Variants in SLC22A7 observed in about 807,000 individuals in gnomAD.
SLC22A7 encodes solute carrier family 22 member 7, also known as hOAT2.
Under a neutral mutation model 62.2 loss-of-function variants are expected in SLC22A7, and 48 were observed. The ratio of observed to expected loss-of-function variants is 0.77; its 90% confidence interval spans 0.61 to 0.98. The LOEUF is 0.98. Ranked by LOEUF, SLC22A7 falls within the 50% of genes least tolerant of loss-of-function variation. SLC22A7 has a pLI of 0.00. For missense variants in SLC22A7, 581 were observed against 703.8 expected, an observed-to-expected ratio of 0.83 and a Z score of 1.97; for synonymous variants, 276 against 314.8, an observed-to-expected ratio of 0.88 and a Z score of 1.30.
chr6:43,302,321 T>C lies in SLC22A7; in HGVS notation c.1183T>C (p.Leu395=). The change falls in exon 8 of 11, where the codon TTG becomes CTG. Residue 395 remains leucine, a synonymous_variant. Coordinates refer to ENST00000372585, the MANE Select transcript of SLC22A7 (RefSeq NM_153320.2). This position sits in a 1 kb window ranked among gnomAD's most constrained non-coding sequence, Gnocchi z 5.0. The part of the protein sequence containing the change: ...VELPSKLLVY[L]SVRYAGRRLT... ...ACTGCCCTCCAAGCTGCTGGTCTAC[T>C]TGTCGGTGCGCTACGCAGGACGCCG... The C allele has an allele frequency of 9.9e-6, 16 of 1,613,806 alleles. No individual in the cohort carries two copies. Among genetic ancestry groups the C allele is most frequent in the Non-Finnish European group, 1.4e-5 (16 of 1,179,992 alleles).
At chr6:43,297,095 T>C (rs1268795102), upstream of SLC22A7, among the ~76,000 whole-genome samples, 1 of 152,134 alleles carries the variant, frequency 6.6e-6, no homozygotes, top group Non-Finnish European at 1.5e-5. Flanking sequence ...GCCTCTTGCT[T>C]CACTCCATGG....
rs1778637781 is a variant in SLC22A7, at chr6:43,299,021, G to C, written c.394-71G>C. On this transcript the variant is annotated intron_variant, in intron 1 of 10. Transcript: ENST00000372585. This position sits in a 1 kb window ranked among gnomAD's most constrained non-coding sequence, Gnocchi z 4.4. ...CTTCAGGGAGTTGAGACAAAGAGCTGAGAAGGCAATTTCTGCAGCAAGAGG... is the reference window on the plus strand; with the variant it reads ...CTTCAGGGAGTTGAGACAAAGAGCTCAGAAGGCAATTTCTGCAGCAAGAGG... 5 of 1,460,410 alleles carry C rather than the reference G, an allele frequency of 3.4e-6. No homozygotes were observed. The highest frequency in any genetic ancestry group is 4.6e-6 in the Non-Finnish European group (5 of 1,075,548). The allele number at this position is 1,460,410 out of a possible 1,614,324, so 90.5% of individuals were successfully genotyped here.
intron 7 of SLC22A7, 103 bp downstream of exon 7, chr6:43,301,795 T>C: frequency 5.0e-6 from 4 of 796,322 alleles, no homozygotes; most frequent in Non-Finnish European, 8.0e-6. Flanking sequence ...AAGTAGAGTG[T>C]CACTGTGGAG....
At chr6:43,298,226 G>A (rs749522321), upstream of SLC22A7, 1 of 794,092 alleles carries the variant, frequency 1.3e-6, no homozygotes, top group African/African-American at 1.7e-5. Context: ...GCCCCTGAGG[G>A]CTGGATTCTG....
Position 43,298,476 on chromosome 6 carries a change from T to A in SLC22A7, c.118T>A (p.Phe40Ile). 1 of 1,613,784 alleles carries A rather than the reference T, an allele frequency of 6.2e-7. No homozygotes were observed. Among genetic ancestry groups the A allele is most frequent in the Non-Finnish European group, 8.5e-7 (1 of 1,180,028 alleles). Reference protein sequence around the residue: ...LLPLHFLLPIFLAAVPAHRCA... With the variant: ...LLPLHFLLPIILAAVPAHRCA... ...ACCACTGCACTTCCTCCTGCCCATCTTCCTGGCTGCCGTGCCTGCCCACCG... is the reference window on the plus strand; with the variant it reads ...ACCACTGCACTTCCTCCTGCCCATCATCCTGGCTGCCGTGCCTGCCCACCG... The change falls in exon 1 of 11, where the codon TTC becomes ATC. Residue 40 changes from phenylalanine to isoleucine, a missense_variant. Coordinates refer to ENST00000372585, the MANE Select transcript of SLC22A7 (RefSeq NM_153320.2).
Position 43,302,863 on chromosome 6 carries a change from A to ATT in SLC22A7, c.1385+109_1385+110dup, listed in dbSNP as rs376669860. 5 of 736,734 alleles carry ATT rather than the reference A, an allele frequency of 6.8e-6. No individual in the cohort carries two copies. The highest frequency in any genetic ancestry group is 6.4e-6 in the Non-Finnish European group (3 of 465,338). 45.6% of individuals were successfully genotyped at this position (736,734 alleles called of 1,614,324 possible). On this transcript the variant is annotated intron_variant, in intron 9 of 10. Coordinates refer to ENST00000372585, the MANE Select transcript of SLC22A7 (RefSeq NM_153320.2). This position sits in a 1 kb window ranked among gnomAD's most constrained non-coding sequence, Gnocchi z 5.0. ...CGCACCACAACCTGGTCTCTCACTC[A>ATT]TTTTTTTTTTAATTTTAATTTTTGG...
At position 43,304,111 on chromosome 6, in the gene SLC22A7, G is replaced by A; in HGVS notation, c.1459G>A (p.Asp487Asn). The A allele has an allele frequency of 2.5e-6, 4 of 1,606,382 alleles. No individual in the cohort carries two copies. Among genetic ancestry groups the A allele is most frequent in the Non-Finnish European group, 3.4e-6 (4 of 1,175,482 alleles). Residue 487 changes from aspartate to asparagine, a missense_variant, in exon 10 of 11, where the codon GAT becomes AAT. Asp to Asn is a conservative substitution (Grantham distance 23, BLOSUM62 1). Transcript: ENST00000372585. ...GSLAPLAALL[D>N]GVWLSLPKLT... ...TTTGGCCCCACTGGCGGCCTTGCTG[G>A]ATGGAGTGTGGCTGTCACTGCCCAA...
rs1778892141 is a variant in SLC22A7, at chr6:43,305,019, T to C, written c.*294T>C. 2 of 292,598 alleles carry C rather than the reference T, an allele frequency of 6.8e-6. No homozygotes were observed. The highest frequency in any genetic ancestry group is 4.9e-5 in the Admixed American group (1 of 20,262). The allele number at this position is 292,598 out of a possible 1,614,324, so 18.1% of individuals were successfully genotyped here. A position where few individuals can be genotyped will look rare whatever the true frequency, so the allele number is the denominator to read the frequency against. On this transcript the variant is annotated 3_prime_UTR_variant, in exon 11 of 11. Coordinates refer to ENST00000372585, the MANE Select transcript of SLC22A7 (RefSeq NM_153320.2). ...GACGAGCTGTGGGAAGAGCCCTGGATAGGAAGCCACTGAGTCTGCCCTGGG... is the reference window on the plus strand; with the variant it reads ...GACGAGCTGTGGGAAGAGCCCTGGACAGGAAGCCACTGAGTCTGCCCTGGG...
In SLC22A7 at chr6:43,302,987, A is replaced by G. The variant is rs575763267; in HGVS notation, c.1385+224A>G. The stretch of plus-strand genomic sequence containing the variant: ...CTCCAAAAGTGCTCGTATTACAGGC[A>G]CTATTACAGGCATGAGCCACCGCAC... On this transcript the variant is annotated intron_variant, in intron 9 of 10. Coordinates refer to ENST00000372585, the MANE Select transcript of SLC22A7 (RefSeq NM_153320.2). This position sits in a 1 kb window ranked among gnomAD's most constrained non-coding sequence, Gnocchi z 5.0. The G allele has an allele frequency of 3.8e-5, 16 of 416,412 alleles. No homozygotes were observed. Among genetic ancestry groups the G allele is most frequent in the African/African-American group, 3.5e-4 (16 of 46,134 alleles). The allele number at this position is 416,412 out of a possible 1,614,324, so 25.8% of individuals were successfully genotyped here. A position where few individuals can be genotyped will look rare whatever the true frequency, so the allele number is the denominator to read the frequency against.
At position 43,302,863 on chromosome 6, in the gene SLC22A7, A is replaced by C; in HGVS notation, c.1385+100A>C. 1 of 736,828 alleles carries C rather than the reference A, an allele frequency of 1.4e-6. No individual in the cohort carries two copies. The allele number at this position is 736,828 out of a possible 1,614,324, so 45.6% of individuals were successfully genotyped here. A position where few individuals can be genotyped will look rare whatever the true frequency, so the allele number is the denominator to read the frequency against. ...CGCACCACAACCTGGTCTCTCACTC[A>C]TTTTTTTTTTAATTTTAATTTTTGG... On this transcript the variant is annotated intron_variant, in intron 9 of 10. Coordinates refer to ENST00000372585, the MANE Select transcript of SLC22A7 (RefSeq NM_153320.2). The surrounding 1 kb of genome is among the most constrained non-coding windows in gnomAD (Gnocchi z 5.0).
Position 43,299,618 on chromosome 6 carries a change from C to A in SLC22A7, c.504-9C>A, listed in dbSNP as rs1477180781. ...CACAGGGAACTGACCCTGCATGACC[C>A]CTTTGCAGGTTTGGGCGGCGGCGTC... is the stretch of plus-strand genomic sequence containing the variant. On this transcript the variant is annotated splice_polypyrimidine_tract_variant and intron_variant, in intron 3 of 10. Transcript: ENST00000372585. The surrounding 1 kb of genome is among the most constrained non-coding windows in gnomAD (Gnocchi z 4.4). 1 of 1,614,120 alleles carries A rather than the reference C, an allele frequency of 6.2e-7. No homozygotes were observed. The highest frequency in any genetic ancestry group is 1.1e-5 in the South Asian group (1 of 91,082).
In SLC22A7 at chr6:43,299,188, G is replaced by A. The variant is rs1276362594; in HGVS notation, c.399+91G>A. On this transcript the variant is annotated intron_variant, in intron 2 of 10. Coordinates refer to ENST00000372585, the MANE Select transcript of SLC22A7 (RefSeq NM_153320.2). The surrounding 1 kb of genome is among the most constrained non-coding windows in gnomAD (Gnocchi z 4.4). Reference sequence around the variant, plus strand: ...AGGTCGAGGCCTTCCTTGGGAAGAAGCTGAGGCTGCAGGACTGGGGAGGGA... The same window carrying A: ...AGGTCGAGGCCTTCCTTGGGAAGAAACTGAGGCTGCAGGACTGGGGAGGGA... 3 of 1,614,158 alleles carry A rather than the reference G, an allele frequency of 1.9e-6. No individual in the cohort carries two copies. The South Asian group carries it at 3.3e-5, about 18-fold the overall frequency.
chr6:43,301,583 G>T lies in SLC22A7; in HGVS notation c.952G>T (p.Ala318Ser). The change falls in exon 7 of 11, where the codon GCT (alanine) becomes TCT (serine). Residue 318 changes from alanine (A) to serine (S), a missense_variant and splice_region_variant. Physicochemically the swap from Ala to Ser is moderately conservative, Grantham distance 99. Transcript: ENST00000372585. ...PVCEDSFSQEAVSKVAAGERV... is the reference protein window; with the variant it reads ...PVCEDSFSQESVSKVAAGERV... ...ACAACCTCACCTCCTTCCCTACCAG[G>T]CTGTGAGCAAAGTGGCCGCCGGGGA... 6.2e-7 allele frequency: 1 copy of T among 1,613,474 alleles called. No homozygotes were observed. Among genetic ancestry groups the T allele is most frequent in the Non-Finnish European group, 8.5e-7 (1 of 1,179,420 alleles).
At chr6:43,300,270 G>A in intron 5 of SLC22A7, 1 of 619,368 alleles carries the variant, frequency 1.6e-6, no homozygotes, top group African/African-American at 1.8e-5. Flanking sequence ...GTGAGAAACA[G>A]AGAACAAGAT....
chr6:43,300,785 C>T (rs1339658340), intron 5 of SLC22A7, among the ~76,000 whole-genome samples: 1 of 152,168 alleles, frequency 6.6e-6, no homozygotes, highest in African/African-American at 2.4e-5. Flanking sequence ...CGTGTGCCAC[C>T]ACACCCAGCT....
At chr6:43,300,692 A>G (rs1210207028) in intron 5 of SLC22A7, among the ~76,000 whole-genome samples, 1 of 152,188 alleles carries the variant, frequency 6.6e-6, no homozygotes, top group Non-Finnish European at 1.5e-5. Flanking sequence ...GTACAGTGGC[A>G]CAATCACAGC....
In SLC22A7 at chr6:43,301,178, G is replaced by T; in HGVS notation, c.871G>T (p.Val291Leu). 1.2e-6 allele frequency: 2 copies of T among 1,614,238 alleles called. No individual in the cohort carries two copies. The highest frequency in any genetic ancestry group is 1.7e-6 in the Non-Finnish European group (2 of 1,180,042). Residue 291 changes from valine to leucine, a missense_variant, in exon 6 of 11, where the codon GTG (valine) becomes TTG (leucine). Coordinates refer to ENST00000372585, the MANE Select transcript of SLC22A7 (RefSeq NM_153320.2). ...ACGCTGGCTTCTGACCCAAGGCCAT[G>T]TGAAAGAGGCCCACAGGTACTTGCT... ...SARWLLTQGH[V>L]KEAHRYLLHC...
intron 9 of SLC22A7, 43 bp from the exon 10 acceptor site, chr6:43,303,995 G>GT: frequency 6.9e-7 from 1 of 1,457,312 alleles, no homozygotes; most frequent in East Asian, 2.5e-5. Context: ...CTCCAGGTAG[G>GT]TGTGAACACC....
chr6:43,298,156 G>A, upstream of SLC22A7: 1 of 559,008 alleles, frequency 1.8e-6, no homozygotes, highest in Non-Finnish European at 3.1e-6. Context: ...CCAGGCACCA[G>A]GCAAGACAGG....
Sources: gnomAD v4.1 joint callset for allele counts (sites outside exome capture counted in the v4.1 genomes callset) on GRCh38, gnomAD v4.1.1 for gene constraint, Gnocchi (gnomAD v3.1) non-coding constraint, MANE v1.5 for transcripts, NCBI Gene and HGNC (gene_info 2026-07-23, HGNC 2026-07-21) for gene names.